Variants in TBC1D9 observed in about 807,000 individuals in gnomAD.
TBC1D9 encodes the protein TBC1 domain family member 9A.
Under a neutral mutation model 132.0 loss-of-function variants are expected in TBC1D9, and 63 were observed. The ratio of observed to expected loss-of-function variants is 0.48; its 90% CI spans 0.39 to 0.59. TBC1D9 has a LOEUF of 0.59. Ranked by LOEUF, TBC1D9 falls within the 20% of genes least tolerant of loss-of-function variation. TBC1D9 has a pLI of 0.00. For missense variants in TBC1D9, 1,261 were observed against 1,592.7 expected (o/e 0.79, Z 3.54); for synonymous variants, 610 against 609.9 (o/e 1.00, Z 0.00).
At chr4:140,699,582 T>C (rs959919668) in intron 2 of TBC1D9, among the ~76,000 whole-genome samples, 29 of 152,302 alleles carry the variant, frequency 1.9e-4, no homozygotes, top group Non-Finnish European at 3.7e-4. Context: ...TTGAGGAGCA[T>C]GCCAAAATAT....
chr4:140,632,285 T>G (rs1406054101), intron 16 of TBC1D9, among the ~76,000 whole-genome samples: 1 of 151,696 alleles, frequency 6.6e-6, no homozygotes, highest in Non-Finnish European at 1.5e-5. Context: ...AAATATCTCT[T>G]TTGATGGATA....
At chr4:140,696,160 A>G (rs1737952651) in intron 2 of TBC1D9, among the ~76,000 whole-genome samples, 1 of 149,530 alleles carries the variant, frequency 6.7e-6, no homozygotes, top group Non-Finnish European at 1.5e-5. Context: ...AACTAACAGA[A>G]GATAAAAAAG....
Position 140,669,733 on chromosome 4 carries a change from C to T in TBC1D9, c.1338G>A (p.Glu446=), listed in dbSNP as rs1737505800. 2 of 1,613,874 alleles carry T rather than the reference C, an allele frequency of 1.2e-6. No homozygotes were observed. The highest frequency in any genetic ancestry group is 1.7e-5 in the Admixed American group (1 of 59,990). ...TGTTGCCATTTAGGTTAAACTGGCG[C>T]TCTCCATCAGCATCAGAGCTCGTGC... The part of the protein sequence containing the change: ...QRSTSSDADG[E]RQFNLNGNSV... The change falls in exon 8 of 21, where the codon GAG becomes GAA. Residue 446 remains glutamate (E), a synonymous_variant. Transcript: ENST00000442267.
chr4:140,644,385 A>T (rs1737065154), intron 13 of TBC1D9: 1 of 282,812 alleles, frequency 3.5e-6, no homozygotes, highest in African/African-American at 2.3e-5. Flanking sequence ...CGCCTTGGAC[A>T]CGTCCTCCAG....
At chr4:140,665,067 A>G (rs891855095) in intron 9 of TBC1D9, among the ~76,000 whole-genome samples, 3 of 149,914 alleles carry the variant, frequency 2.0e-5, no homozygotes, top group African/African-American at 7.4e-5. Flanking sequence ...AGATTATGCC[A>G]TTGCACTCCA....
chr4:140,698,642 T>C (rs1173011112), intron 2 of TBC1D9, among the ~76,000 whole-genome samples: 3 of 149,496 alleles, frequency 2.0e-5, no homozygotes. Context: ...GGAGGCTGAG[T>C]CAGGAGAATC....
At chr4:140,663,514 T>A (rs76018343) in intron 9 of TBC1D9, among the ~76,000 whole-genome samples, 3,922 of 152,262 alleles carry the variant, frequency 0.026, 99 homozygotes, top group South Asian at 0.073. Flanking sequence ...TAGAGCCACC[T>A]TATGATCCAG....
intron 1 of TBC1D9, among the ~76,000 whole-genome samples, chr4:140,712,467 G>T (rs1483450606): frequency 3.7e-5 from 1 of 26,696 alleles, no homozygotes; most frequent in East Asian, 2.8e-3. Context: ...TATATGCCAG[G>T]TGCGGTGGCT....
In TBC1D9 at chr4:140,622,026, A is replaced by T; in HGVS notation, c.*169T>A. The T allele has an allele frequency of 1.0e-6, 1 of 973,648 alleles. No individual in the cohort carries two copies. 60.3% of individuals were successfully genotyped at this position (973,648 alleles called of 1,614,324 possible). A position where few individuals can be genotyped will look rare whatever the true frequency, so the allele number is the denominator to read the frequency against. ...GTAATGTACCTACATTGAGGTGTTT[A>T]AATATTTCTCCAACAGTTTTCATTG... is the stretch of plus-strand genomic sequence containing the variant. On this transcript the variant is annotated 3_prime_UTR_variant, in exon 21 of 21. Transcript: ENST00000442267.
chr4:140,726,134 C>G (rs1347564085), intron 1 of TBC1D9, among the ~76,000 whole-genome samples: 1 of 151,892 alleles, frequency 6.6e-6, no homozygotes, highest in South Asian at 2.1e-4. Flanking sequence ...ACTAAAAATA[C>G]AAAAATTACC....
intron 1 of TBC1D9, among the ~76,000 whole-genome samples, chr4:140,735,406 G>A (rs1738657273): frequency 2.0e-5 from 3 of 152,156 alleles, no homozygotes; most frequent in South Asian, 4.1e-4. Context: ...AAATCTGCAA[G>A]TGACTTTTAT....
At chr4:140,673,432 C>T (rs1023644194) in intron 6 of TBC1D9, among the ~76,000 whole-genome samples, 23 of 152,280 alleles carry the variant, frequency 1.5e-4, no homozygotes, top group African/African-American at 4.1e-4. Context: ...AGCAGCCTGA[C>T]TCGGTTCTGA....
chr4:140,701,700 A>G, intron 1 of TBC1D9, 86 bp from the exon 2 acceptor site: 1 of 1,008,370 alleles, frequency 9.9e-7, no homozygotes, highest in Non-Finnish European at 1.5e-6. Context: ...ATGCCCTTTC[A>G]TGAGATCTTC....
chr4:140,662,105 C>T lies in TBC1D9; in HGVS notation c.1591G>A (p.Ala531Thr). 6.2e-7 allele frequency: 1 copy of T among 1,612,738 alleles called. No homozygotes were observed. The highest frequency in any genetic ancestry group is 8.5e-7 in the Non-Finnish European group (1 of 1,178,794). The part of the protein sequence containing the change: ...RGELWLLLSG[A>T]INEKATHPGY... ...GGATGTGTGGCCTTCTCATTGATGGCACCTGAGATATATCCAACAGATACA... is the reference window on the plus strand; with the variant it reads ...GGATGTGTGGCCTTCTCATTGATGGTACCTGAGATATATCCAACAGATACA... Residue 531 changes from alanine (A) to threonine (T), a missense_variant and splice_region_variant, in exon 10 of 21, where the codon GCC becomes ACC. Coordinates refer to ENST00000442267, the MANE Select transcript of TBC1D9 (RefSeq NM_015130.3).
At chr4:140,687,481 T>A (rs1461430244) in intron 2 of TBC1D9, among the ~76,000 whole-genome samples, 9 of 149,264 alleles carry the variant, frequency 6.0e-5, no homozygotes, top group Non-Finnish European at 7.4e-5. Context: ...CTCCTTCGAT[T>A]TCCAAGTTAT....
At chr4:140,644,661 G>C in intron 13 of TBC1D9, 1 of 418,892 alleles carries the variant, frequency 2.4e-6, no homozygotes, top group South Asian at 1.8e-5. Flanking sequence ...CCAGGGCCTG[G>C]GCCGCCCGCT....
In TBC1D9 at chr4:140,661,995, G is replaced by C. The variant is rs779770029; in HGVS notation, c.1701C>G (p.Ser567=). The C allele has an allele frequency of 6.2e-7, 1 of 1,613,880 alleles. No individual in the cohort carries two copies. The highest frequency in any genetic ancestry group is 8.5e-7 in the Non-Finnish European group (1 of 1,179,844). ...TEEIERDLHR[S]LPEHPAFQNE... ...TCTGAAAAGCTGGGTGTTCTGGAAG[G>C]GAGCGGTGTAAATCCCTCTCAATCT... Residue 567 remains serine (S), a synonymous_variant, in exon 10 of 21, where the codon TCC becomes TCG. Coordinates refer to ENST00000442267, the MANE Select transcript of TBC1D9 (RefSeq NM_015130.3).
chr4:140,730,964 C>G (rs1363325477), intron 1 of TBC1D9, among the ~76,000 whole-genome samples: 1 of 152,170 alleles, frequency 6.6e-6, no homozygotes, highest in East Asian at 1.9e-4. Context: ...AGAGTAATTG[C>G]TTGTCATCAA....
intron 1 of TBC1D9, among the ~76,000 whole-genome samples, chr4:140,752,265 A>T (rs1738937821): frequency 6.6e-6 from 1 of 152,238 alleles, no homozygotes; most frequent in Admixed American, 6.5e-5. Flanking sequence ...AATTACAACC[A>T]ACAGCAACAA....
Sources: allele counts gnomAD v4.1 joint callset (sites outside exome capture counted in the v4.1 genomes callset), GRCh38; gene constraint gnomAD v4.1.1; transcripts MANE v1.5; gene names NCBI Gene and HGNC (gene_info 2026-07-23, HGNC 2026-07-21).